RSPO3: variants seen among roughly 807,000 people sequenced by gnomAD.
The protein encoded by RSPO3 is R-spondin 3.
RSPO3 carries 17 observed loss-of-function variants against 36.5 expected under a neutral mutation model. That is an observed-to-expected ratio of 0.47 (90% CI 0.32 to 0.70). The LOEUF is 0.70. Ranked by LOEUF, RSPO3 falls within the 30% of genes least tolerant of loss-of-function variation. The pLI is 0.04. For missense variants in RSPO3, 294 were observed against 322.5 expected (o/e 0.91, Z 0.68); for synonymous variants, 108 against 107.0 (o/e 1.01, Z -0.06).
chr6:127,178,530 T>C (rs1473418542), intron 4 of RSPO3, among the ~76,000 whole-genome samples: 2 of 151,744 alleles, frequency 1.3e-5, no homozygotes, highest in Non-Finnish European at 2.9e-5. Context: ...AAAAACATGC[T>C]GGGTTAAGGG....
In RSPO3 at chr6:127,182,465, C is replaced by T. The variant is rs570520707; in HGVS notation, c.635-13358C>T. On this transcript the variant is annotated intron_variant, in intron 4 of 4. Transcript: ENST00000356698. ...TCTTTTTTCCAGGGTCACTTTATTT[C>T]GTTCTTAAATACTTCAATTAAATGA... Among the ~76,000 whole-genome samples the T allele has an allele frequency of 1.5e-4, 23 of 151,828 alleles. No individual in the cohort carries two copies. The South Asian group carries it at 3.1e-3, about 21-fold the overall frequency.
intron 1 of RSPO3, among the ~76,000 whole-genome samples, chr6:127,147,618 A>C (rs1774414007): frequency 6.6e-6 from 1 of 152,186 alleles, no homozygotes. Context: ...GGTGATGATG[A>C]CTATTTAATA....
In RSPO3 at chr6:127,196,596, T is replaced by C. The variant is rs1049960160; in HGVS notation, c.*589T>C. 5 of 152,192 alleles carry C rather than the reference T, an allele frequency of 3.3e-5. No homozygotes were observed. Among genetic ancestry groups the C allele is most frequent in the Non-Finnish European group, 7.3e-5 (5 of 68,040 alleles). 9.4% of individuals were successfully genotyped at this position (152,192 alleles called of 1,614,324 possible). A position where few individuals can be genotyped will look rare whatever the true frequency, so the allele number is the denominator to read the frequency against. Reference sequence around the variant, plus strand: ...TTTTTATAAGAAACACAAGAGTGCATACCAGAATTGAATATACCATATGGG... The same window carrying C: ...TTTTTATAAGAAACACAAGAGTGCACACCAGAATTGAATATACCATATGGG... On this transcript the variant is annotated 3_prime_UTR_variant, in exon 5 of 5. Transcript: ENST00000356698.
intron 1 of RSPO3, among the ~76,000 whole-genome samples, chr6:127,134,406 T>A (rs1273593469): frequency 5.9e-5 from 9 of 152,202 alleles, no homozygotes; most frequent in Non-Finnish European, 1.3e-4. Flanking sequence ...CTGGAATTAC[T>A]TTTCCCAAAC....
chr6:127,146,554 G>C (rs952891607), intron 1 of RSPO3, among the ~76,000 whole-genome samples: 1 of 152,044 alleles, frequency 6.6e-6, no homozygotes, highest in Non-Finnish European at 1.5e-5. Flanking sequence ...TGTAAATCAT[G>C]TTTATATTAA....
chr6:127,156,386 G>A (rs1054538512), intron 4 of RSPO3, among the ~76,000 whole-genome samples: 18 of 152,016 alleles, frequency 1.2e-4, no homozygotes, highest in Non-Finnish European at 2.4e-4. Context: ...CTCAGTTGCC[G>A]ATCTTTAAAA....
At chr6:127,175,007 A>G (rs1000751203) in intron 4 of RSPO3, among the ~76,000 whole-genome samples, 11 of 151,878 alleles carry the variant, frequency 7.2e-5, no homozygotes, top group African/African-American at 2.6e-4. Context: ...GACTTTAAGC[A>G]TAGATGCATG....
chr6:127,119,347 G>A, intron 1 of RSPO3, 58 bp downstream of exon 1: 2 of 1,287,554 alleles, frequency 1.6e-6, no homozygotes, highest in Non-Finnish European at 2.2e-6. Context: ...CTGTCGGGTC[G>A]CTTTGCCTGT....
chr6:127,156,081 C>T (rs1404854377), intron 4 of RSPO3, among the ~76,000 whole-genome samples: 1 of 152,084 alleles, frequency 6.6e-6, no homozygotes, highest in Admixed American at 6.6e-5. Context: ...ATAGTTAATA[C>T]TGACTTTATT....
intron 1 of RSPO3, among the ~76,000 whole-genome samples, chr6:127,128,541 C>T (rs981954863): frequency 1.3e-5 from 2 of 152,040 alleles, no homozygotes; most frequent in African/African-American, 4.8e-5. Flanking sequence ...TGCAGCTAAG[C>T]AACCACTGAA....
In RSPO3 at chr6:127,195,823, GA is replaced by G; in HGVS notation, c.642del (p.Gly215GlufsTer69). 24 of 1,497,858 alleles carry G rather than the reference GA, an allele frequency of 1.6e-5. No homozygotes were observed. The highest frequency in any genetic ancestry group is 6.9e-5 in the Admixed American group (3 of 43,608). 92.8% of individuals were successfully genotyped at this position (1,497,858 alleles called of 1,614,324 possible). On this transcript the variant is annotated frameshift_variant and splice_region_variant, in exon 5 of 5. Transcript: ENST00000356698. LOFTEE classifies it high-confidence loss of function. ...QRKKCQKGER[G>X]KKGRERKRKK... ...TTAAAAGAGTATCCTTTCATTTCAG[GA>G]AAAAAAGGAAGGGAGAGGAAAAGAA...
At chr6:127,179,049 AAGTTGATCTTGC>A (rs1191994651) in intron 4 of RSPO3, among the ~76,000 whole-genome samples, 1 of 151,890 alleles carries the variant, frequency 6.6e-6, no homozygotes, top group Non-Finnish European at 1.5e-5. Flanking sequence ...ATTTGTCTTA[AAGTTGATCTTGC>A]AGATGATATA....
At chr6:127,155,575 C>T in intron 4 of RSPO3, 137 bp downstream of exon 4, 1 of 799,008 alleles carries the variant, frequency 1.3e-6, no homozygotes, top group Non-Finnish European at 2.0e-6. Context: ...GAATATGCTG[C>T]TTGTAAATTA....
chr6:127,142,981 AAT>A (rs1774309404), intron 1 of RSPO3, among the ~76,000 whole-genome samples: 1 of 99,318 alleles, frequency 1.0e-5, no homozygotes, highest in African/African-American at 4.0e-5. Context: ...GTGCCCAGCT[AAT>A]TTTTTTTTTT....
chr6:127,128,217 A>G (rs1773980488), intron 1 of RSPO3, among the ~76,000 whole-genome samples: 1 of 152,050 alleles, frequency 6.6e-6, no homozygotes. Flanking sequence ...GGCACTTCAT[A>G]AAGTCTGTTA....
chr6:127,141,346 T>G (rs940548804), intron 1 of RSPO3, among the ~76,000 whole-genome samples: 1 of 152,194 alleles, frequency 6.6e-6, no homozygotes, highest in African/African-American at 2.4e-5. Context: ...ATTTCATGAA[T>G]TCTACAGCTA....
At chr6:127,160,512 G>A (rs1774689663) in intron 4 of RSPO3, among the ~76,000 whole-genome samples, 1 of 152,204 alleles carries the variant, frequency 6.6e-6, no homozygotes, top group Non-Finnish European at 1.5e-5. Flanking sequence ...ATGGAGCAGG[G>A]ATACCCCATA....
intron 4 of RSPO3, among the ~76,000 whole-genome samples, chr6:127,163,755 C>T (rs1355055427): frequency 6.6e-6 from 1 of 152,104 alleles, no homozygotes; most frequent in Admixed American, 6.6e-5. Context: ...CATGTTATCT[C>T]TCAATGATAG....
intron 4 of RSPO3, among the ~76,000 whole-genome samples, chr6:127,181,500 C>G (rs1775186051): frequency 6.6e-6 from 1 of 151,814 alleles, no homozygotes; most frequent in Non-Finnish European, 1.5e-5. Flanking sequence ...GGTTGATTCA[C>G]ACACCCACAC....
Sources: gnomAD v4.1 joint callset for allele counts (sites outside exome capture counted in the v4.1 genomes callset) on GRCh38, gnomAD v4.1.1 for gene constraint, MANE v1.5 for transcripts, NCBI Gene and HGNC (gene_info 2026-07-23, HGNC 2026-07-21) for gene names.